Variants in GPR137B observed in about 807,000 individuals in gnomAD.
The protein encoded by GPR137B is integral membrane protein GPR137B.
A neutral mutation model predicts 42.5 loss-of-function variants in GPR137B; 42 were observed. The observed-to-expected ratio is 0.99, with a 90% CI of 0.77 to 1.28. The LOEUF (loss-of-function observed/expected upper bound fraction) is 1.28, where lower values mean the gene tolerates loss of function less well. GPR137B is among the 50% of genes most tolerant of loss of function. The probability of loss-of-function intolerance (pLI) is 0.00; values close to 1 mark genes in which losing one functional copy is unlikely to be tolerated. For synonymous variants in GPR137B, 218 were observed against 209.7 expected (o/e 1.04, Z -0.34); for missense variants, 487 against 493.9 (o/e 0.99, Z 0.13).
intron 1 of GPR137B, among the ~76,000 whole-genome samples, chr1:236,166,161 T>TA (rs1342770433): frequency 6.6e-6 from 1 of 152,222 alleles, no homozygotes; most frequent in Non-Finnish European, 1.5e-5. Context: ...CCTCAGTTAT[T>TA]AAAAGCAAGA....
intron 5 of GPR137B, among the ~76,000 whole-genome samples, chr1:236,186,711 C>T (rs11587910): frequency 0.33 from 50,373 of 151,728 alleles, 8,946 homozygotes; most frequent in East Asian, 0.61. Flanking sequence ...TATGTATGTG[C>T]CACATTTTCT....
intron 4 of GPR137B, among the ~76,000 whole-genome samples, chr1:236,181,946 G>A (rs1227068996): frequency 7.1e-6 from 1 of 141,318 alleles, no homozygotes; most frequent in African/African-American, 2.8e-5. Context: ...AGGCTGGAGT[G>A]CAGCCGCACA....
intron 6 of GPR137B, among the ~76,000 whole-genome samples, chr1:236,205,543 CTTT>C (rs931360503): frequency 6.6e-6 from 1 of 152,044 alleles, no homozygotes; most frequent in Non-Finnish European, 1.5e-5. Context: ...TGATAATCAA[CTTT>C]TTTATTTCTT....
At chr1:236,144,809 AT>A (rs1408960647) in intron 1 of GPR137B, among the ~76,000 whole-genome samples, 1 of 152,192 alleles carries the variant, frequency 6.6e-6, no homozygotes, top group Non-Finnish European at 1.5e-5. Context: ...AGCTCTTTAT[AT>A]TTGTCCCCTT....
chr1:236,189,588 C>G (rs1167484527), intron 5 of GPR137B, among the ~76,000 whole-genome samples: 1 of 152,158 alleles, frequency 6.6e-6, no homozygotes, highest in Non-Finnish European at 1.5e-5. Context: ...AGTAGTCATT[C>G]AGGAGCAGGT....
chr1:236,169,678 G>A (rs1276521410), intron 2 of GPR137B, among the ~76,000 whole-genome samples: 1 of 152,086 alleles, frequency 6.6e-6, no homozygotes, highest in Non-Finnish European at 1.5e-5. Context: ...CTATGGAGGG[G>A]TTCGTAGCTC....
Position 236,175,153 on chromosome 1 carries a change from C to T in GPR137B, c.465-3261C>T, listed in dbSNP as rs537172731. Among the ~76,000 whole-genome samples the T allele has an allele frequency of 2.6e-5, 4 of 152,270 alleles. No homozygotes were observed. In the South Asian group the frequency reaches 6.2e-4, roughly 24 times the overall value. The stretch of plus-strand genomic sequence containing the variant: ...GCTGCAGTGAGCCATGATTGTGCCA[C>T]TGCATTCCAACCTGGGTGACACAGG... On this transcript the variant is annotated intron_variant, in intron 2 of 6. Coordinates refer to ENST00000366592, the MANE Select transcript of GPR137B (RefSeq NM_003272.4).
chr1:236,165,203 C>T (rs1464454679), intron 1 of GPR137B, among the ~76,000 whole-genome samples: 1 of 152,192 alleles, frequency 6.6e-6, no homozygotes, highest in Admixed American at 6.5e-5. Context: ...CTGCACCCAG[C>T]CTGAATTCAA....
At chr1:236,182,082 C>T (rs746721574) in intron 4 of GPR137B, among the ~76,000 whole-genome samples, 18 of 151,726 alleles carry the variant, frequency 1.2e-4, no homozygotes, top group Non-Finnish European at 1.6e-4. Context: ...TTAGTAGAGA[C>T]GGGTTTCATC....
At chr1:236,149,626 G>A (rs754208769) in intron 1 of GPR137B, among the ~76,000 whole-genome samples, 7 of 152,256 alleles carry the variant, frequency 4.6e-5, no homozygotes, top group Non-Finnish European at 8.8e-5. Context: ...CGTGTGGCAG[G>A]CCCTAGTCTA....
chr1:236,150,457 G>C lies in GPR137B; in HGVS notation c.414+7421G>C, dbSNP rs1366498505. ...TCCCGAGCCCTCTCCTCGAGCCATG[G>C]CAGCGTGCTCTTCTCTCTGCAGCTG... On this transcript the variant is annotated intron_variant, in intron 1 of 6. Coordinates refer to ENST00000366592, the MANE Select transcript of GPR137B (RefSeq NM_003272.4). The surrounding 1 kb of genome is among the most constrained non-coding windows in gnomAD (Gnocchi z 6.2). Among the ~76,000 whole-genome samples the C allele has an allele frequency of 6.6e-6, 1 of 152,188 alleles. No individual in the cohort carries two copies. Among genetic ancestry groups the C allele is most frequent in the Non-Finnish European group, 1.5e-5 (1 of 68,032 alleles).
intron 5 of GPR137B, among the ~76,000 whole-genome samples, chr1:236,185,841 G>A (rs1283009289): frequency 3.3e-5 from 5 of 152,066 alleles, no homozygotes; most frequent in Non-Finnish European, 7.4e-5. Context: ...ATTCACATAT[G>A]TGCAACCATC....
At chr1:236,175,942 C>A (rs914410211) in intron 2 of GPR137B, among the ~76,000 whole-genome samples, 1 of 152,202 alleles carries the variant, frequency 6.6e-6, no homozygotes, top group African/African-American at 2.4e-5. Context: ...AGAAGAAACA[C>A]TCCCATGTTG....
chr1:236,145,872 T>C (rs6700209), intron 1 of GPR137B, among the ~76,000 whole-genome samples: 29,278 of 152,084 alleles, frequency 0.19, 3,404 homozygotes, highest in African/African-American at 0.32. Flanking sequence ...GTACAGTATG[T>C]GAAACCTCTT....
intron 5 of GPR137B, among the ~76,000 whole-genome samples, chr1:236,193,062 T>C (rs1437743278): frequency 1.3e-5 from 2 of 151,940 alleles, no homozygotes; most frequent in Non-Finnish European, 2.9e-5. Flanking sequence ...GCCTGGCTAA[T>C]TTTTGTATTT....
chr1:236,169,271 G>A (rs1019636235), intron 2 of GPR137B, among the ~76,000 whole-genome samples: 5 of 151,296 alleles, frequency 3.3e-5, no homozygotes, highest in Admixed American at 2.6e-4. Flanking sequence ...GCAGGGCCTC[G>A]CCCCTGCAGC....
intron 1 of GPR137B, among the ~76,000 whole-genome samples, chr1:236,161,846 C>T (rs1010201852): frequency 7.2e-5 from 11 of 152,124 alleles, no homozygotes; most frequent in Non-Finnish European, 1.5e-5. Context: ...TTGTTAAGTC[C>T]AATTAAACCT....
At chr1:236,145,209 A>G (rs1410061693) in intron 1 of GPR137B, among the ~76,000 whole-genome samples, 2 of 152,168 alleles carry the variant, frequency 1.3e-5, no homozygotes, top group African/African-American at 4.8e-5. Context: ...GGGGAGTTAT[A>G]AAGCCTTTTG....
chr1:236,157,108 C>T (rs1045446385), intron 1 of GPR137B, among the ~76,000 whole-genome samples: 14 of 152,084 alleles, frequency 9.2e-5, no homozygotes, highest in Admixed American at 6.6e-4. Context: ...TTATTAGTCT[C>T]ATTTTACAGG....
Sources: allele counts gnomAD v4.1 joint callset (sites outside exome capture counted in the v4.1 genomes callset), GRCh38; gene constraint gnomAD v4.1.1; non-coding constraint Gnocchi (gnomAD v3.1); transcripts MANE v1.5; gene names NCBI Gene and HGNC (gene_info 2026-07-23, HGNC 2026-07-21).